The following NRAP variants were observed in gnomAD, a reference collection of about 807,000 sequenced individuals.
NRAP encodes the protein nebulin related anchoring protein.
NRAP carries 189 observed loss-of-function variants against 225.9 expected under a neutral mutation model. The ratio of observed to expected loss-of-function variants is 0.84; its 90% CI spans 0.74 to 0.94. The LOEUF (loss-of-function observed/expected upper bound fraction) is 0.94, where lower values mean the gene tolerates loss of function less well. Ranked by LOEUF, NRAP falls within the 40% of genes least tolerant of loss-of-function variation. NRAP has a pLI of 0.00. For missense variants in NRAP, 2,176 were observed against 2,168.7 expected (o/e 1.00, Z -0.07); for synonymous variants, 769 against 790.7 (o/e 0.97, Z 0.46).
At chr10:113,640,935 GT>G (rs200961776) in intron 13 of NRAP, among the ~76,000 whole-genome samples, 3 of 32,684 alleles carry the variant, frequency 9.2e-5, no homozygotes, top group African/African-American at 1.7e-4. Flanking sequence ...GCCACAGTAG[GT>G]TTTCAATGAA....
intron 38 of NRAP, among the ~76,000 whole-genome samples, 175 bp downstream of exon 38, chr10:113,595,448 G>A (rs1846233061): frequency 6.6e-6 from 1 of 152,258 alleles, no homozygotes; most frequent in South Asian, 2.1e-4. Flanking sequence ...AAACAAAAAC[G>A]AGGACCACTG....
chr10:113,660,100 T>A (rs552150280), intron 3 of NRAP, among the ~76,000 whole-genome samples: 4 of 149,996 alleles, frequency 2.7e-5, no homozygotes, highest in African/African-American at 9.8e-5. Flanking sequence ...TATACACATA[T>A]ATACATACAT....
At chr10:113,597,403 G>C (rs1288694381) in intron 36 of NRAP, among the ~76,000 whole-genome samples, 1 of 152,162 alleles carries the variant, frequency 6.6e-6, no homozygotes, top group African/African-American at 2.4e-5. Context: ...CTTGAAGAGA[G>C]AGGCCACAAA....
chr10:113,628,919 C>T lies in NRAP; in HGVS notation c.2143G>A (p.Glu715Lys), dbSNP rs746844785. 26 of 1,596,096 alleles carry T rather than the reference C, an allele frequency of 1.6e-5. No individual in the cohort carries two copies. The highest frequency in any genetic ancestry group is 5.1e-5 in the Admixed American group (3 of 58,804). Residue 715 changes from glutamate (E) to lysine (K), a missense_variant and splice_region_variant, in exon 20 of 42, where the codon GAG becomes AAG. Around this residue, in one of 3 missense-constraint regions of NRAP, gnomAD observed 1,708 missense variants for 1,695.5 expected, o/e 1.01. Transcript: ENST00000359988. Reference protein sequence around the residue: ...QAKKAGQLVSEKNYRQRVDEL... With the variant: ...QAKKAGQLVSKKNYRQRVDEL... The stretch of plus-strand genomic sequence containing the variant: ...CCAGAGGCCCCAGTGCAGGTTACCT[C>T]GCTGACCAGCTGTCCAGCCTTCTTG...
Position 113,616,880 on chromosome 10 carries a change from T to C in NRAP, c.2973+575A>G, listed in dbSNP as rs527705345. On this transcript the variant is annotated intron_variant, in intron 26 of 41. Transcript: ENST00000359988. ...TTTTTCAGCACCTCATCGTTCACTT[T>C]AGTCTCCAGCCGACCCTGCAACCCT... Among the ~76,000 whole-genome samples the C allele has an allele frequency of 4.6e-5, 7 of 152,312 alleles. No homozygotes were observed. In the South Asian group the frequency reaches 1.2e-3, roughly 27 times the overall value.
Position 113,654,128 on chromosome 10 carries a change from A to G in NRAP, c.361-3T>C, listed in dbSNP as rs922306372. On this transcript the variant is annotated splice_region_variant and splice_polypyrimidine_tract_variant and intron_variant, in intron 4 of 41. Transcript: ENST00000359988. ...CCATATCCAGTCCAATAGGCTCTCTACAAAGGAAGCACATGAAGGGATACA... is the reference window on the plus strand; with the variant it reads ...CCATATCCAGTCCAATAGGCTCTCTGCAAAGGAAGCACATGAAGGGATACA... The G allele has an allele frequency of 9.4e-6, 15 of 1,591,422 alleles. No individual in the cohort carries two copies. Among genetic ancestry groups the G allele is most frequent in the Non-Finnish European group, 1.3e-5 (15 of 1,159,634 alleles).
chr10:113,654,149 A>G, intron 4 of NRAP, 24 bp from the exon 5 acceptor site: 1 of 1,334,586 alleles, frequency 7.5e-7, no homozygotes. Flanking sequence ...ACATGAAGGG[A>G]TACAAACACA....
chr10:113,633,209 C>G, intron 15 of NRAP, 21 bp from the exon 16 acceptor site: 1 of 1,384,676 alleles, frequency 7.2e-7, no homozygotes, highest in Non-Finnish European at 1.0e-6. Flanking sequence ...TAAAATAAAT[C>G]TGTAGGGTTT....
intron 9 of NRAP, among the ~76,000 whole-genome samples, chr10:113,647,488 GGTGGTACTGCCTCCCCAA>G (rs1424712015): frequency 1.2e-4 from 12 of 96,482 alleles, no homozygotes; most frequent in South Asian, 4.1e-4. Flanking sequence ...TGTCTCCCCC[GGTGGTACTGCCTCCCCAA>G]GTGGTACTGT....
rs545339088 is a variant in NRAP, at chr10:113,595,673, C to T, written c.4486G>A (p.Asp1496Asn). 70 of 1,613,972 alleles carry T rather than the reference C, an allele frequency of 4.3e-5. No individual in the cohort carries two copies. The South Asian group carries it at 7.1e-4, about 16-fold the overall frequency. ...ESLHRYTLIP[D>N]HPDFTRARLN... ...CGAGCTCGGGTGAAATCGGGATGGTCGGGGATCAGGGTGTATCTGTGCAGG... is the reference window on the plus strand; with the variant it reads ...CGAGCTCGGGTGAAATCGGGATGGTTGGGGATCAGGGTGTATCTGTGCAGG... The change falls in exon 38 of 42, where the codon GAC (aspartate) becomes AAC (asparagine). Residue 1496 changes from aspartate (D) to asparagine (N), a missense_variant. Asp to Asn is a conservative substitution (Grantham distance 23). Around this residue, in one of 3 missense-constraint regions of NRAP, gnomAD observed 445 missense variants for 426.1 expected, o/e 1.04. Transcript: ENST00000359988.
intron 35 of NRAP, among the ~76,000 whole-genome samples, chr10:113,603,944 T>C (rs553171780): frequency 2.0e-5 from 3 of 152,300 alleles, no homozygotes; most frequent in Admixed American, 1.3e-4. Context: ...CTGCTCTATA[T>C]GTCTCCATAG....
intron 19 of NRAP, 109 bp from the exon 20 acceptor site, chr10:113,629,130 A>G (rs765320479): frequency 2.6e-5 from 21 of 801,778 alleles, no homozygotes; most frequent in Non-Finnish European, 4.3e-5. Flanking sequence ...TCCTAGAAGA[A>G]CTGCTCCCTG....
Position 113,621,854 on chromosome 10 carries a change from T to G in NRAP, c.2769+15A>C. Reference sequence around the variant, plus strand: ...CACATACACACACAAGTGCACACACTCACACAGAGCTTACATCACTCTGTA... The same window carrying G: ...CACATACACACACAAGTGCACACACGCACACAGAGCTTACATCACTCTGTA... On this transcript the variant is annotated intron_variant, in intron 24 of 41. Transcript: ENST00000359988. 6.3e-7 allele frequency: 1 copy of G among 1,594,254 alleles called. No individual in the cohort carries two copies. Among genetic ancestry groups the G allele is most frequent in the East Asian group, 2.2e-5 (1 of 44,558 alleles).
At chr10:113,603,595 A>T (rs1457605487) in intron 35 of NRAP, among the ~76,000 whole-genome samples, 2 of 152,006 alleles carry the variant, frequency 1.3e-5, no homozygotes, top group East Asian at 3.9e-4. Flanking sequence ...GGCGGTGGTT[A>T]CAGTCTTATC....
At position 113,597,129 on chromosome 10, in the gene NRAP, G is replaced by T. The variant is rs1846327702; in HGVS notation, c.4388C>A (p.Pro1463Gln). 2 of 1,613,746 alleles carry T rather than the reference G, an allele frequency of 1.2e-6. No homozygotes were observed. The highest frequency in any genetic ancestry group is 1.7e-6 in the Non-Finnish European group (2 of 1,179,636). ...GCTGTTCTTGGCATGAACCAGGTCT[G>T]GGGAGTCAACCACTGTGGTGAACTT... is the stretch of plus-strand genomic sequence containing the variant. ...SIKFTTVVDS[P>Q]DLVHAKNSYM... The change falls in exon 37 of 42, where the codon CCA (proline) becomes CAA (glutamine). Residue 1463 changes from proline to glutamine, a missense_variant. Transcript: ENST00000359988.
At chr10:113,607,971 C>T (rs1847098120) in intron 32 of NRAP, among the ~76,000 whole-genome samples, 1 of 152,228 alleles carries the variant, frequency 6.6e-6, no homozygotes, top group Admixed American at 6.5e-5. Flanking sequence ...TACAATTTAA[C>T]TGTCCTTGGA....
At chr10:113,652,778 G>C (rs1850057586) in intron 6 of NRAP, among the ~76,000 whole-genome samples, 157 bp downstream of exon 6, 1 of 152,106 alleles carries the variant, frequency 6.6e-6, no homozygotes, top group Admixed American at 6.6e-5. Flanking sequence ...GAGAATACTT[G>C]ACGGGGAAAA....
At chr10:113,629,543 A>C in intron 19 of NRAP, 45 bp downstream of exon 19, 1 of 1,336,980 alleles carries the variant, frequency 7.5e-7, no homozygotes, top group Non-Finnish European at 1.1e-6. Flanking sequence ...AAGCATGTCC[A>C]ACTGCAAGAG....
At chr10:113,603,144 A>G (rs1846709794) in intron 35 of NRAP, among the ~76,000 whole-genome samples, 1 of 152,232 alleles carries the variant, frequency 6.6e-6, no homozygotes. Flanking sequence ...AGTGCCTGCC[A>G]CACTGCAACG....
Sources: allele counts gnomAD v4.1 joint callset (sites outside exome capture counted in the v4.1 genomes callset), GRCh38; gene constraint gnomAD v4.1.1; regional missense constraint gnomAD v4.1.1; transcripts MANE v1.5; gene names NCBI Gene and HGNC (gene_info 2026-07-23, HGNC 2026-07-21).